Variants in CADM2 observed in about 807,000 individuals in gnomAD.
CADM2 encodes the protein cell adhesion molecule 2.
CADM2 carries 12 observed loss-of-function variants against 49.8 expected under a neutral mutation model. The ratio of observed to expected loss-of-function variants is 0.24; its 90% CI spans 0.15 to 0.39. The LOEUF (loss-of-function observed/expected upper bound fraction) is 0.39. Among genes scored for constraint, CADM2 ranks in the 10% least tolerant of loss-of-function variants. The pLI is 1.00. For synonymous variants in CADM2, 214 were observed against 175.4 expected, an observed-to-expected ratio of 1.22 and a Z score of -1.74; for missense variants, 378 against 492.3, an observed-to-expected ratio of 0.77 and a Z score of 2.20.
chr3:86,002,583 C>T (rs1027310164), intron 8 of CADM2, among the ~76,000 whole-genome samples: 2 of 152,108 alleles, frequency 1.3e-5, no homozygotes, highest in Non-Finnish European at 2.9e-5. Flanking sequence ...GCACATCAGG[C>T]TTACCTGGGA....
At chr3:86,031,731 A>T (rs564373939) in intron 8 of CADM2, among the ~76,000 whole-genome samples, 1 of 151,946 alleles carries the variant, frequency 6.6e-6, no homozygotes, top group East Asian at 1.9e-4. Context: ...TGAAGAAACT[A>T]GTGCTTTGGA....
At chr3:85,776,346 C>A (rs1007022391) in intron 2 of CADM2, among the ~76,000 whole-genome samples, 1 of 151,476 alleles carries the variant, frequency 6.6e-6, no homozygotes, top group Non-Finnish European at 1.5e-5. Context: ...TACACACACA[C>A]ACACACACAC....
In CADM2 at chr3:85,948,940, C is replaced by T. The variant is rs546679753; in HGVS notation, c.792-12529C>T. On this transcript the variant is annotated intron_variant, in intron 7 of 9. Coordinates refer to ENST00000383699, the MANE Select transcript of CADM2 (RefSeq NM_001167675.2). ...GACTTTATAAAGACGGATAATAGAG[C>T]AGCACCTATGATAACGTGGGGCCAG... 1.8e-4 allele frequency among the ~76,000 whole-genome samples: 27 copies of T among 151,406 alleles called. No individual in the cohort carries two copies. The South Asian group carries it at 5.2e-3, about 29-fold the overall frequency.
At chr3:85,309,739 C>A (rs573801487) in intron 1 of CADM2, among the ~76,000 whole-genome samples, 2 of 152,220 alleles carry the variant, frequency 1.3e-5, no homozygotes, top group African/African-American at 2.4e-5. Flanking sequence ...ACACGTTGAC[C>A]ATTCATCTCT....
chr3:85,405,443 C>T (rs145242578), intron 1 of CADM2, among the ~76,000 whole-genome samples: 419 of 152,234 alleles, frequency 2.8e-3, no homozygotes, highest in Non-Finnish European at 5.0e-3. Flanking sequence ...TCATGGCGCC[C>T]GTCAGTGGCG....
intron 3 of CADM2, among the ~76,000 whole-genome samples, chr3:85,876,123 TA>T (rs1711799105): frequency 6.6e-6 from 1 of 152,162 alleles, no homozygotes; most frequent in Non-Finnish European, 1.5e-5. Context: ...AAATACATTT[TA>T]AAAACTTTTA....
chr3:85,967,426 A>G (rs1369344445), intron 8 of CADM2, among the ~76,000 whole-genome samples: 1 of 151,700 alleles, frequency 6.6e-6, no homozygotes, highest in South Asian at 2.1e-4. Flanking sequence ...TAAATTTAGC[A>G]AAATAATATA....
chr3:85,543,402 C>T (rs535009364), intron 1 of CADM2, among the ~76,000 whole-genome samples: 17 of 69,142 alleles, frequency 2.5e-4, no homozygotes, highest in Non-Finnish European at 5.1e-4. Flanking sequence ...TTACAGGCAC[C>T]GCCACCATGC....
chr3:85,191,663 A>G (rs2041211442), intron 1 of CADM2, among the ~76,000 whole-genome samples: 1 of 152,114 alleles, frequency 6.6e-6, no homozygotes, highest in African/African-American at 2.4e-5. Context: ...TCCACTATAC[A>G]TCCAAATAGT....
At chr3:85,901,616 G>C (rs1470015927) in intron 5 of CADM2, among the ~76,000 whole-genome samples, 2 of 152,066 alleles carry the variant, frequency 1.3e-5, no homozygotes, top group East Asian at 3.9e-4. Flanking sequence ...CAAACCTGGG[G>C]TTAGCTATTT....
chr3:84,962,697 C>CT lies in CADM2; in HGVS notation c.61+3037dup, dbSNP rs141093675. On this transcript the variant is annotated intron_variant, in intron 1 of 9. Transcript: ENST00000383699. ...AAATACTATAGTCAGTCATTAGCTTCTTTTTTTTAGCTTTATCAGCACTAT... is the reference window on the plus strand; with the variant it reads ...AAATACTATAGTCAGTCATTAGCTTCTTTTTTTTTAGCTTTATCAGCACTAT... Among the ~76,000 whole-genome samples, 9 of 151,936 alleles carry CT rather than the reference C, an allele frequency of 5.9e-5. No individual in the cohort carries two copies. The East Asian group carries it at 7.7e-4, about 13-fold the overall frequency.
intron 1 of CADM2, among the ~76,000 whole-genome samples, chr3:85,368,968 T>A (rs2032999199): frequency 6.6e-6 from 1 of 152,186 alleles, no homozygotes; most frequent in Non-Finnish European, 1.5e-5. Context: ...ATCAGATGAC[T>A]GTTGTACTTT....
At chr3:85,269,266 C>T (rs529486593) in intron 1 of CADM2, among the ~76,000 whole-genome samples, 17 of 151,378 alleles carry the variant, frequency 1.1e-4, no homozygotes, top group African/African-American at 3.9e-4. Context: ...CCAAATGTCA[C>T]GGAATTATTT....
chr3:85,258,316 A>G (rs371417517), intron 1 of CADM2, among the ~76,000 whole-genome samples: 21 of 152,028 alleles, frequency 1.4e-4, no homozygotes, highest in African/African-American at 4.8e-4. Flanking sequence ...TGCCCAATCA[A>G]TTTTCATGGT....
chr3:85,361,225 T>TG (rs1342248446), intron 1 of CADM2, among the ~76,000 whole-genome samples: 1 of 152,112 alleles, frequency 6.6e-6, no homozygotes, highest in African/African-American at 2.4e-5. Flanking sequence ...CAGTGCTTGG[T>TG]GGGGGCAGAG....
chr3:85,959,230 G>T (rs1286321283), intron 7 of CADM2, among the ~76,000 whole-genome samples: 4 of 151,470 alleles, frequency 2.6e-5, no homozygotes, highest in African/African-American at 9.7e-5. Context: ...GGCAAGGTAT[G>T]CAGGAAGAGG....
chr3:85,606,637 C>A (rs2063546192), intron 1 of CADM2, among the ~76,000 whole-genome samples: 2 of 152,052 alleles, frequency 1.3e-5, no homozygotes, highest in Non-Finnish European at 2.9e-5. Context: ...ATACCCATTT[C>A]TCAGAAGGGT....
intron 1 of CADM2, among the ~76,000 whole-genome samples, chr3:85,331,475 T>G (rs1444076990): frequency 6.6e-6 from 1 of 151,724 alleles, no homozygotes; most frequent in Non-Finnish European, 1.5e-5. Flanking sequence ...GACTCTATTT[T>G]GTGACAACAC....
intron 1 of CADM2, among the ~76,000 whole-genome samples, chr3:85,050,571 A>T (rs990385130): frequency 6.6e-6 from 1 of 152,178 alleles, no homozygotes; most frequent in Non-Finnish European, 1.5e-5. Context: ...TATGCATTTT[A>T]AAATTGAGGA....
Sources: gnomAD v4.1 joint callset for allele counts (sites outside exome capture counted in the v4.1 genomes callset) on GRCh38, gnomAD v4.1.1 for gene constraint, MANE v1.5 for transcripts, NCBI Gene and HGNC (gene_info 2026-07-23, HGNC 2026-07-21) for gene names.